The following SLC30A7 variants were observed in gnomAD, a reference collection of about 807,000 sequenced individuals.
SLC30A7 encodes the protein zinc transporter 7.
In SLC30A7, 35 loss-of-function variants were observed where a neutral mutation model predicts 46.0. The ratio of observed to expected loss-of-function variants is 0.76; its 90% CI spans 0.58 to 1.01. The LOEUF (loss-of-function observed/expected upper bound fraction) is 1.01, where lower values mean the gene tolerates loss of function less well. Among genes scored for constraint, SLC30A7 ranks in the 50% least tolerant of loss-of-function variants. SLC30A7 has a pLI of 0.00. For synonymous variants in SLC30A7, 147 were observed against 157.8 expected (o/e 0.93, Z 0.51); for missense variants, 464 against 451.1 (o/e 1.03, Z -0.26).
intron 8 of SLC30A7, among the ~76,000 whole-genome samples, chr1:100,946,764 C>T (rs1654666586): frequency 6.6e-6 from 1 of 152,164 alleles, no homozygotes; most frequent in South Asian, 2.1e-4. Flanking sequence ...TGTAGTGTCT[C>T]TGCCGGGCTT....
At chr1:100,968,164 A>G (rs777410012) in intron 10 of SLC30A7, among the ~76,000 whole-genome samples, 14 of 152,150 alleles carry the variant, frequency 9.2e-5, no homozygotes, top group Non-Finnish European at 1.8e-4. Context: ...TTTGACTTCA[A>G]ATTTTTTCAA....
At chr1:100,902,690 C>G (rs1467855542) in intron 2 of SLC30A7, among the ~76,000 whole-genome samples, 1 of 152,156 alleles carries the variant, frequency 6.6e-6, no homozygotes, top group Non-Finnish European at 1.5e-5. Flanking sequence ...CAGTCTTTGG[C>G]TTGTAGGAGC....
the SLC30A7 span, chr1:100,995,747 A>G: frequency 0.091 from 13,891 of 152,372 alleles, 733 homozygotes; most frequent in Middle Eastern, 0.19. Flanking sequence ...CAAGCATCAC[A>G]AATATTTGAT....
intron 5 of SLC30A7, 52 bp downstream of exon 5, chr1:100,912,290 T>A: frequency 6.3e-7 from 1 of 1,576,618 alleles, no homozygotes; most frequent in Non-Finnish European, 8.7e-7. Context: ...GTTTCTGTCA[T>A]AATTATTTAC....
chr1:100,983,725 ATT>A (rs1657110011), downstream of SLC30A7, among the ~76,000 whole-genome samples: 1 of 152,232 alleles, frequency 6.6e-6, no homozygotes, highest in Admixed American at 6.5e-5. Flanking sequence ...ACCAAATGGC[ATT>A]GTTTAAATGT....
chr1:100,966,603 A>G (rs1368864055), intron 10 of SLC30A7, among the ~76,000 whole-genome samples: 1 of 151,612 alleles, frequency 6.6e-6, no homozygotes, highest in Non-Finnish European at 1.5e-5. Context: ...AAAGAAAACC[A>G]CATTTTTTTT....
chr1:100,908,814 A>G (rs1216241907), intron 3 of SLC30A7, among the ~76,000 whole-genome samples: 2 of 152,140 alleles, frequency 1.3e-5, no homozygotes, highest in South Asian at 2.1e-4. Flanking sequence ...AGCTTATTCT[A>G]CAATCTTTCT....
rs1656048455 is a variant in SLC30A7 at position 100,969,633 on chromosome 1, A to C, written c.1083+3715A>C. Among the ~76,000 whole-genome samples, 2 of 152,184 alleles carry C rather than the reference A, an allele frequency of 1.3e-5. 1 individual carries two copies. Among genetic ancestry groups the C allele is most frequent in the South Asian group, 4.1e-4 (2 of 4,832 alleles). On this transcript the variant is annotated intron_variant, in intron 10 of 10. Coordinates refer to ENST00000357650, the MANE Select transcript of SLC30A7 (RefSeq NM_133496.5). Reference sequence around the variant, plus strand: ...TATTCAGCTGCTTCTTTGGTTTTGGAAACTGCATTTGAGCTTTGAATATTT... The same window carrying C: ...TATTCAGCTGCTTCTTTGGTTTTGGCAACTGCATTTGAGCTTTGAATATTT...
chr1:100,921,718 A>G lies in SLC30A7; in HGVS notation c.719A>G (p.His240Arg). Reference protein sequence around the residue: ...SRQILQGVFLHILADTLGSIG... With the variant: ...SRQILQGVFLRILADTLGSIG... ...GGTTTATTTCTAGGTGTATTTTTAC[A>G]TATCCTAGCAGATACACTTGGAAGT... Residue 240 changes from histidine (H) to arginine (R), a missense_variant, in exon 8 of 11, where the codon CAT becomes CGT. Transcript: ENST00000357650. The G allele has an allele frequency of 6.2e-7, 1 of 1,609,672 alleles. No individual in the cohort carries two copies. Among genetic ancestry groups the G allele is most frequent in the Non-Finnish European group, 8.5e-7 (1 of 1,177,762 alleles).
chr1:100,976,194 G>A lies in SLC30A7; in HGVS notation c.*1337G>A, dbSNP rs1157116307. 1 of 152,078 alleles carries A rather than the reference G, an allele frequency of 6.6e-6. No homozygotes were observed. Among genetic ancestry groups the A allele is most frequent in the Non-Finnish European group, 1.5e-5 (1 of 68,010 alleles). 9.4% of individuals were successfully genotyped at this position (152,078 alleles called of 1,614,324 possible). A position where few individuals can be genotyped will look rare whatever the true frequency, so the allele number is the denominator to read the frequency against. On this transcript the variant is annotated 3_prime_UTR_variant, in exon 11 of 11. Coordinates refer to ENST00000357650, the MANE Select transcript of SLC30A7 (RefSeq NM_133496.5). ...TATATCTTTCCTTGCCATTTCTATG[G>A]ATTTTATAATGAAAGAAAAAGGCAT...
At chr1:100,950,002 G>A (rs920145458) in intron 8 of SLC30A7, among the ~76,000 whole-genome samples, 3 of 152,180 alleles carry the variant, frequency 2.0e-5, no homozygotes, top group Admixed American at 6.5e-5. Context: ...GCTTCAGCTC[G>A]CTCTCTGCAG....
At chr1:100,896,494 T>G in intron 1 of SLC30A7, 76 bp from the exon 2 acceptor site, 1 of 1,467,942 alleles carries the variant, frequency 6.8e-7, no homozygotes, top group Non-Finnish European at 9.5e-7. Context: ...GGGAGGGTCT[T>G]GAAGAGGGTA....
In SLC30A7 at chr1:100,974,492, A is replaced by G. The variant is rs184535409; in HGVS notation, c.1084-318A>G. 5.3e-4 allele frequency among the ~76,000 whole-genome samples: 81 copies of G among 152,280 alleles called. 1 individual carries two copies. The highest frequency in any genetic ancestry group is 6.0e-4 in the Non-Finnish European group (41 of 68,024). On this transcript the variant is annotated intron_variant, in intron 10 of 10. Transcript: ENST00000357650. The stretch of plus-strand genomic sequence containing the variant: ...AGACAGGGTTGATGTATCAATTTCA[A>G]CTAGGAGCCAACCAGTCAAGCATCA...
At chr1:100,939,241 G>GT (rs1336438881) in intron 8 of SLC30A7, among the ~76,000 whole-genome samples, 2 of 152,024 alleles carry the variant, frequency 1.3e-5, no homozygotes, top group Non-Finnish European at 2.9e-5. Context: ...TGGAGCAATG[G>GT]TTTTTTTAAT....
intron 2 of SLC30A7, among the ~76,000 whole-genome samples, chr1:100,902,375 A>G (rs979342609): frequency 6.6e-6 from 1 of 152,212 alleles, no homozygotes; most frequent in African/African-American, 2.4e-5. Flanking sequence ...CCTGACTGCT[A>G]TTCTGTGCAA....
At chr1:100,989,272 A>G in the SLC30A7 span, among the ~76,000 whole-genome samples, 1 of 152,232 alleles carries the variant, frequency 6.6e-6, no homozygotes, top group South Asian at 2.1e-4. Context: ...TAAAAATTTT[A>G]TTTTGTAGTC....
At chr1:100,974,231 A>C (rs1440077893) in intron 10 of SLC30A7, among the ~76,000 whole-genome samples, 1 of 152,194 alleles carries the variant, frequency 6.6e-6, no homozygotes, top group Non-Finnish European at 1.5e-5. Flanking sequence ...ATAATTTCTC[A>C]TGAGGTTTTT....
chr1:100,915,752 T>C (rs1195164381), intron 6 of SLC30A7, among the ~76,000 whole-genome samples: 4 of 152,252 alleles, frequency 2.6e-5, no homozygotes, highest in South Asian at 2.1e-4. Context: ...GAAGTGCAGA[T>C]ATCTCTTTGA....
intron 7 of SLC30A7, among the ~76,000 whole-genome samples, chr1:100,920,744 T>G (rs1652882877): frequency 1.3e-5 from 2 of 152,016 alleles, no homozygotes; most frequent in Admixed American, 1.3e-4. Context: ...TATTGTGCAG[T>G]GAATACTAAA....
Sources: gnomAD v4.1 joint callset for allele counts (sites outside exome capture counted in the v4.1 genomes callset) on GRCh38, gnomAD v4.1.1 for gene constraint, MANE v1.5 for transcripts, NCBI Gene and HGNC (gene_info 2026-07-23, HGNC 2026-07-21) for gene names.